Variants in DRD3 observed in about 807,000 individuals in gnomAD.
DRD3 encodes dopamine receptor D3, also known as D(3) dopamine receptor.
In DRD3, 19 loss-of-function variants were observed where a neutral mutation model predicts 36.3. That is an observed-to-expected ratio of 0.52 (90% CI 0.36 to 0.77). The LOEUF is 0.77. Among genes scored for constraint, DRD3 ranks in the 30% least tolerant of loss-of-function variants. DRD3 has a pLI of 0.00. For missense variants in DRD3, 465 were observed against 505.3 expected (o/e 0.92, Z 0.77); for synonymous variants, 195 against 203.7 (o/e 0.96, Z 0.36).
chr3:114,133,206 C>T (rs186903824), intron 5 of DRD3, among the ~76,000 whole-genome samples: 29 of 152,256 alleles, frequency 1.9e-4, no homozygotes, highest in African/African-American at 6.5e-4. Context: ...TCAGGCTGGT[C>T]GCAAACTCCT....
intron 3 of DRD3, among the ~76,000 whole-genome samples, chr3:114,157,408 G>T (rs1283954168): frequency 6.6e-6 from 1 of 151,938 alleles, no homozygotes; most frequent in African/African-American, 2.4e-5. Context: ...CCCTTCTCAT[G>T]CTCCAAAGTC....
chr3:114,172,156 G>C, intron 1 of DRD3, 129 bp from the exon 2 acceptor site: 1 of 688,544 alleles, frequency 1.5e-6, no homozygotes, highest in Non-Finnish European at 2.1e-6. Context: ...GCACTGTTGT[G>C]AGAGTTGGAG....
At chr3:114,151,992 G>C (rs2077622437) in intron 3 of DRD3, among the ~76,000 whole-genome samples, 1 of 152,206 alleles carries the variant, frequency 6.6e-6, no homozygotes, top group African/African-American at 2.4e-5. Context: ...AGAATATCAG[G>C]CTTAGTTTCT....
intron 1 of DRD3, among the ~76,000 whole-genome samples, chr3:114,185,518 T>C (rs1166016358): frequency 6.6e-6 from 1 of 152,208 alleles, no homozygotes; most frequent in Non-Finnish European, 1.5e-5. Flanking sequence ...TCTTGACTTT[T>C]CCCACATCTT....
At chr3:114,178,081 T>C (rs2077918210) in intron 1 of DRD3, among the ~76,000 whole-genome samples, 1 of 152,186 alleles carries the variant, frequency 6.6e-6, no homozygotes, top group Non-Finnish European at 1.5e-5. Context: ...CAGCAAGTAA[T>C]GGAAGTCTCA....
At chr3:114,156,763 CT>C in intron 3 of DRD3, among the ~76,000 whole-genome samples, 1 of 102,062 alleles carries the variant, frequency 9.8e-6, no homozygotes, top group Admixed American at 1.2e-4. Flanking sequence ...TTCTTTCTTT[CT>C]TTCTTTCTTT....
At chr3:114,161,540 AC>A (rs1049073962) in intron 2 of DRD3, among the ~76,000 whole-genome samples, 1 of 152,112 alleles carries the variant, frequency 6.6e-6, no homozygotes, top group Non-Finnish European at 1.5e-5. Context: ...GTTTTGAGAA[AC>A]CCTGACCAAT....
intron 6 of DRD3, among the ~76,000 whole-genome samples, chr3:114,129,214 G>A (rs748997728): frequency 4.6e-5 from 7 of 152,016 alleles, no homozygotes; most frequent in African/African-American, 7.2e-5. Flanking sequence ...GTGGTGGTGC[G>A]TGCCTATAAG....
At chr3:114,186,222 T>G (rs1157610607) in intron 1 of DRD3, among the ~76,000 whole-genome samples, 2 of 152,226 alleles carry the variant, frequency 1.3e-5, no homozygotes, top group African/African-American at 4.8e-5. Context: ...TTTTAAAAAA[T>G]GGAAGCGATT....
intron 2 of DRD3, among the ~76,000 whole-genome samples, chr3:114,168,024 G>A (rs1018658128): frequency 2.6e-5 from 4 of 152,196 alleles, no homozygotes; most frequent in African/African-American, 9.6e-5. Flanking sequence ...TGATGGAACT[G>A]TGCCTGCAGC....
At chr3:114,190,489 T>A (rs1576093659) in intron 1 of DRD3, among the ~76,000 whole-genome samples, 9 of 82,314 alleles carry the variant, frequency 1.1e-4, no homozygotes, top group Admixed American at 2.7e-4. Flanking sequence ...TTTTTTTTTT[T>A]TTTTTTTTTT....
At chr3:114,193,837 A>G (rs187695460) in intron 1 of DRD3, among the ~76,000 whole-genome samples, 7 of 152,364 alleles carry the variant, frequency 4.6e-5, no homozygotes, top group Non-Finnish European at 7.3e-5. Context: ...TTGAGTATAC[A>G]TGAGCACACA....
intron 1 of DRD3, chr3:114,175,869 TAGA>T (rs2077893361): frequency 6.6e-6 from 1 of 152,178 alleles, no homozygotes; most frequent in South Asian, 2.1e-4. Flanking sequence ...GGCAGAGAAA[TAGA>T]AGATTACTCT....
chr3:114,182,939 A>G (rs2077955970), upstream of DRD3, among the ~76,000 whole-genome samples: 1 of 152,230 alleles, frequency 6.6e-6, no homozygotes, highest in Non-Finnish European at 1.5e-5. Flanking sequence ...ATTGTGCATG[A>G]CACTGCTATG....
chr3:114,152,156 C>T (rs2077623925), intron 3 of DRD3, among the ~76,000 whole-genome samples: 1 of 152,062 alleles, frequency 6.6e-6, no homozygotes, highest in African/African-American at 2.4e-5. Flanking sequence ...GATCCTGGTG[C>T]ACCCATCACC....
chr3:114,144,843 C>T (rs1398276946), intron 4 of DRD3, among the ~76,000 whole-genome samples: 3 of 152,048 alleles, frequency 2.0e-5, no homozygotes, highest in Non-Finnish European at 4.4e-5. Flanking sequence ...AGTGAGAGCG[C>T]ACATACTAAG....
At chr3:114,170,886 TA>T (rs570092132) in intron 2 of DRD3, among the ~76,000 whole-genome samples, 37 of 152,294 alleles carry the variant, frequency 2.4e-4, no homozygotes, top group South Asian at 2.3e-3. Flanking sequence ...CAGGTTTTTT[TA>T]AAAAAACATA....
intron 3 of DRD3, among the ~76,000 whole-genome samples, chr3:114,152,085 C>A (rs749803525): frequency 6.6e-6 from 1 of 152,062 alleles, no homozygotes; most frequent in Non-Finnish European, 1.5e-5. Context: ...TTTTATTTTT[C>A]GATAAGTTAT....
chr3:114,177,995 T>C (rs1363495017), intron 1 of DRD3, among the ~76,000 whole-genome samples: 1 of 152,230 alleles, frequency 6.6e-6, no homozygotes, highest in Non-Finnish European at 1.5e-5. Flanking sequence ...TGTATTTTGA[T>C]GGTATTCAAT....
Sources: gnomAD v4.1 joint callset for allele counts (sites outside exome capture counted in the v4.1 genomes callset) on GRCh38, gnomAD v4.1.1 for gene constraint, MANE v1.5 for transcripts, NCBI Gene and HGNC (gene_info 2026-07-23, HGNC 2026-07-21) for gene names.